The following SLC7A14 variants were observed in gnomAD, a reference collection of about 807,000 sequenced individuals.
SLC7A14 encodes the protein gamma-aminobutyric acid transporter SLC7A14.
SLC7A14 carries 37 observed loss-of-function variants against 60.2 expected under a neutral mutation model. The observed-to-expected ratio is 0.61, with a 90% CI of 0.47 to 0.81. The LOEUF (loss-of-function observed/expected upper bound fraction) is 0.81, where lower values mean the gene tolerates loss of function less well. SLC7A14 is among the 30% of genes least tolerant of loss of function. SLC7A14 has a pLI of 0.00. For synonymous variants in SLC7A14, 399 were observed against 395.8 expected (o/e 1.01, Z -0.10); for missense variants, 886 against 982.7 (o/e 0.90, Z 1.32).
rs1739687141 is a variant in SLC7A14 at position 170,465,120 on chromosome 3, C to T, written c.*1935G>A. The T allele has an allele frequency of 6.6e-6, 1 of 152,046 alleles. No homozygotes were observed. Among genetic ancestry groups the T allele is most frequent in the South Asian group, 2.1e-4 (1 of 4,826 alleles). The allele number at this position is 152,046 out of a possible 1,614,324, so 9.4% of individuals were successfully genotyped here. A position where few individuals can be genotyped will look rare whatever the true frequency, so the allele number is the denominator to read the frequency against. On this transcript the variant is annotated 3_prime_UTR_variant, in exon 8 of 8. Transcript: ENST00000231706. The stretch of plus-strand genomic sequence containing the variant: ...CATGATATTAAAATGACAAAATGAC[C>T]TCAGGAAACCAGAGTTCTAAACAAT...
At chr3:170,488,656 G>A (rs922963180) in intron 4 of SLC7A14, among the ~76,000 whole-genome samples, 1 of 152,176 alleles carries the variant, frequency 6.6e-6, no homozygotes, top group African/African-American at 2.4e-5. Context: ...GCAGAAGAAT[G>A]AAACTAGACC....
Position 170,526,792 on chromosome 3 carries a change from G to C in SLC7A14, c.145C>G (p.Leu49Val). ...TGTTTAHGTK[L>V]AQVLTTVDLI... is the part of the protein sequence containing the mutation. ...TCCACTGTGGTGAGTACCTGGGCTA[G>C]CTTAGTTCCATGTGCCGTGGTGGTC... is the stretch of plus-strand genomic sequence containing the variant. The change falls in exon 2 of 8, where the codon CTA (leucine) becomes GTA (valine). Residue 49 changes from leucine (L) to valine (V), a missense_variant. Coordinates refer to ENST00000231706, the MANE Select transcript of SLC7A14 (RefSeq NM_020949.3). The C allele has an allele frequency of 6.2e-7, 1 of 1,614,246 alleles. No individual in the cohort carries two copies. The highest frequency in any genetic ancestry group is 1.3e-5 in the African/African-American group (1 of 75,064).
rs1281444824 is a variant in SLC7A14, at chr3:170,532,028, A to G, written c.-152-4940T>C. Among the ~76,000 whole-genome samples the G allele has an allele frequency of 6.6e-6, 1 of 152,212 alleles. No individual in the cohort carries two copies. Among genetic ancestry groups the G allele is most frequent in the Non-Finnish European group, 1.5e-5 (1 of 68,042 alleles). On this transcript the variant is annotated intron_variant, in intron 1 of 7. Transcript: ENST00000231706. The surrounding 1 kb of genome is among the most constrained non-coding windows in gnomAD (Gnocchi z 4.0). ...GAGGAGAGGAAGGAAACGAAGGCTAACAAAACAGTAAACAGCCAGTAATCA... is the reference window on the plus strand; with the variant it reads ...GAGGAGAGGAAGGAAACGAAGGCTAGCAAAACAGTAAACAGCCAGTAATCA...
At chr3:170,525,343 A>G (rs774888663) in intron 2 of SLC7A14, among the ~76,000 whole-genome samples, 114 of 152,352 alleles carry the variant, frequency 7.5e-4, no homozygotes, top group Non-Finnish European at 6.2e-4. Context: ...AAGTATCGGC[A>G]TGTGAGTCCT....
At chr3:170,495,423 T>G (rs1296617251) in intron 4 of SLC7A14, among the ~76,000 whole-genome samples, 1 of 152,218 alleles carries the variant, frequency 6.6e-6, no homozygotes, top group Non-Finnish European at 1.5e-5. Flanking sequence ...CCTGCCTGAC[T>G]CCACTCCTGC....
At chr3:170,493,291 G>A (rs1260567238) in intron 4 of SLC7A14, among the ~76,000 whole-genome samples, 1 of 152,206 alleles carries the variant, frequency 6.6e-6, no homozygotes, top group Non-Finnish European at 1.5e-5. Context: ...CTGTAAGTGA[G>A]TAAACCATTC....
intron 5 of SLC7A14, among the ~76,000 whole-genome samples, chr3:170,485,816 C>T (rs1426170264): frequency 6.6e-6 from 1 of 152,208 alleles, no homozygotes; most frequent in Admixed American, 6.5e-5. Context: ...CGCCTCTTTG[C>T]TGCCGGGAAG....
intron 1 of SLC7A14, among the ~76,000 whole-genome samples, chr3:170,549,874 C>T (rs1238512964): frequency 6.6e-6 from 1 of 152,206 alleles, no homozygotes; most frequent in Non-Finnish European, 1.5e-5. Flanking sequence ...GCAATTTAAA[C>T]TCTTTACAAG....
At chr3:170,471,090 G>GGTGTGTGT (rs113891859) in intron 7 of SLC7A14, among the ~76,000 whole-genome samples, 4,553 of 146,418 alleles carry the variant, frequency 0.031, 197 homozygotes, top group African/African-American at 0.094. Context: ...TCTGGGAAGG[G>GGTGTGTGT]GTGTGTGTGT....
intron 2 of SLC7A14, among the ~76,000 whole-genome samples, chr3:170,522,055 C>T (rs572853471): frequency 6.6e-6 from 1 of 152,208 alleles, no homozygotes; most frequent in East Asian, 1.9e-4. Flanking sequence ...CAAATTAAAA[C>T]CACATTGAAA....
rs1325932125 is a variant in SLC7A14, at chr3:170,460,734, C to T, written c.*6321G>A. 6.6e-6 allele frequency: 1 copy of T among 151,232 alleles called. No individual in the cohort carries two copies. The highest frequency in any genetic ancestry group is 6.6e-5 in the Admixed American group (1 of 15,218). 9.4% of individuals were successfully genotyped at this position (151,232 alleles called of 1,614,324 possible). Reference sequence around the variant, plus strand: ...GTTCCTACCATAAAAATCCAGGCTGCCCCTGTTTCCTAGCTCTAATATAAG... The same window carrying T: ...GTTCCTACCATAAAAATCCAGGCTGTCCCTGTTTCCTAGCTCTAATATAAG... On this transcript the variant is annotated 3_prime_UTR_variant, in exon 8 of 8. Transcript: ENST00000231706.
Position 170,501,164 on chromosome 3 carries a change from G to C in SLC7A14, c.486C>G (p.Ala162=). ...CCATCCAGCGGCTGATGGTGTGGTTGGCTAGTGAGTCAAACATGCTGCTCA... is the reference window on the plus strand; with the variant it reads ...CCATCCAGCGGCTGATGGTGTGGTTCGCTAGTGAGTCAAACATGCTGCTCA... ...SALSSMFDSL[A]NHTISRWMAD... The change falls in exon 3 of 8, where the codon GCC becomes GCG. Residue 162 remains alanine (A), a synonymous_variant. Transcript: ENST00000231706. 6.2e-7 allele frequency: 1 copy of C among 1,614,218 alleles called. No individual in the cohort carries two copies. Among genetic ancestry groups the C allele is most frequent in the Non-Finnish European group, 8.5e-7 (1 of 1,180,046 alleles).
intron 7 of SLC7A14, among the ~76,000 whole-genome samples, chr3:170,468,996 T>C (rs904358084): frequency 1.3e-5 from 2 of 152,184 alleles, no homozygotes; most frequent in African/African-American, 4.8e-5. Flanking sequence ...ACTCCACAGG[T>C]GATTCCAATG....
At position 170,484,938 on chromosome 3, in the gene SLC7A14, A is replaced by G. The variant is rs1380317836; in HGVS notation, c.906+1284T>C. On this transcript the variant is annotated intron_variant, in intron 5 of 7. Transcript: ENST00000231706. ...GATGGGTAAAAAGTTGGTGGATCATAGAAGTACTCTGTGGTCTATAAAGTG... is the reference window on the plus strand; with the variant it reads ...GATGGGTAAAAAGTTGGTGGATCATGGAAGTACTCTGTGGTCTATAAAGTG... Among the ~76,000 whole-genome samples, 6 of 152,156 alleles carry G rather than the reference A, an allele frequency of 3.9e-5. No homozygotes were observed. In the East Asian group the frequency reaches 9.6e-4, roughly 24 times the overall value.
At chr3:170,473,872 C>T (rs958848485) in intron 7 of SLC7A14, among the ~76,000 whole-genome samples, 2 of 152,146 alleles carry the variant, frequency 1.3e-5, no homozygotes, top group African/African-American at 4.8e-5. Context: ...ATCTGCAAAA[C>T]GGGGTTGGGG....
chr3:170,569,842 G>C (rs952248664), intron 1 of SLC7A14, among the ~76,000 whole-genome samples: 2 of 151,994 alleles, frequency 1.3e-5, no homozygotes, highest in Non-Finnish European at 2.9e-5. Context: ...TATTTCTGTG[G>C]GGTCGGTGGT....
chr3:170,508,174 C>T (rs1453815004), intron 2 of SLC7A14, among the ~76,000 whole-genome samples: 4 of 152,178 alleles, frequency 2.6e-5, no homozygotes, highest in Non-Finnish European at 5.9e-5. Flanking sequence ...AGGAAGAATA[C>T]AGTCTCTTTT....
rs1486290910 is a variant in SLC7A14, at chr3:170,585,429, G to A, written c.-153+482C>T. ...TGCTCCCGACCTCCCCGGAGTCTGC[G>A]GCCGGAAAAGCGTCTCCGTTTCATG... On this transcript the variant is annotated intron_variant, in intron 1 of 7. Coordinates refer to ENST00000231706, the MANE Select transcript of SLC7A14 (RefSeq NM_020949.3). The surrounding 1 kb of genome is among the most constrained non-coding windows in gnomAD (Gnocchi z 5.1). Among the ~76,000 whole-genome samples, 4 of 152,198 alleles carry A rather than the reference G, an allele frequency of 2.6e-5. No homozygotes were observed. The highest frequency in any genetic ancestry group is 4.4e-5 in the Non-Finnish European group (3 of 68,036).
chr3:170,575,964 A>G (rs1416612748), intron 1 of SLC7A14, among the ~76,000 whole-genome samples: 1 of 152,208 alleles, frequency 6.6e-6, no homozygotes, highest in East Asian at 1.9e-4. Flanking sequence ...ATGACCTCCC[A>G]CCAGCCAGAT....
Sources: gnomAD v4.1 joint callset for allele counts (sites outside exome capture counted in the v4.1 genomes callset) on GRCh38, gnomAD v4.1.1 for gene constraint, Gnocchi (gnomAD v3.1) non-coding constraint, MANE v1.5 for transcripts, NCBI Gene and HGNC (gene_info 2026-07-23, HGNC 2026-07-21) for gene names.